Variants in ANKAR observed in about 807,000 individuals in gnomAD.
ANKAR encodes the protein ankyrin and armadillo repeat-containing protein.
A neutral mutation model predicts 146.2 loss-of-function variants in ANKAR; 136 were observed. The observed-to-expected ratio is 0.93, with a 90% CI of 0.81 to 1.07. ANKAR has a LOEUF of 1.07. Among genes scored for constraint, ANKAR ranks in the 50% least tolerant of loss-of-function variants. The pLI is 0.00. For missense variants in ANKAR, 1,567 were observed against 1,679.9 expected (o/e 0.93, Z 1.18); for synonymous variants, 500 against 575.8 (o/e 0.87, Z 1.88).
At chr2:189,710,524 G>T (rs1054383321) in intron 9 of ANKAR, among the ~76,000 whole-genome samples, 4 of 152,334 alleles carry the variant, frequency 2.6e-5, no homozygotes, top group South Asian at 2.1e-4. Context: ...TTTCAGCCAG[G>T]CACAGTGGCT....
Position 189,676,868 on chromosome 2 carries a change from TGATCA to T in ANKAR, c.381_385del (p.Asp127GlufsTer12), listed in dbSNP as rs2033775281. ...CTTCCATCAGTTTAGAAGCTAATTATGATCAGAGTTCTTCTTGTCAATTACCTCCA... is the reference window on the plus strand; with the variant it reads ...CTTCCATCAGTTTAGAAGCTAATTATGAGTTCTTCTTGTCAATTACCTCCA... On this transcript the variant is annotated frameshift_variant, in exon 2 of 23. Transcript: ENST00000684021. LOFTEE classifies it high-confidence loss of function. 1.2e-6 allele frequency: 2 copies of T among 1,614,232 alleles called. No individual in the cohort carries two copies. The highest frequency in any genetic ancestry group is 1.7e-6 in the Non-Finnish European group (2 of 1,180,040).
downstream of ANKAR, among the ~76,000 whole-genome samples, chr2:189,761,885 G>A (rs1036067626): frequency 2.6e-5 from 4 of 152,190 alleles, no homozygotes; most frequent in East Asian, 5.8e-4. Flanking sequence ...ATTATTACTT[G>A]CATGCTGTTC....
rs756481102 is a variant in ANKAR, at chr2:189,694,993, C to T, written c.1320C>T (p.Ile440=). Residue 440 remains isoleucine, a synonymous_variant, in exon 6 of 23, where the codon ATC becomes ATT. Coordinates refer to ENST00000684021, the MANE Select transcript of ANKAR (RefSeq NM_001378068.1). ...MEFHGKSYYV[I]YFELETFYQQ... ...TTATTTTTTATAGCTACTATGTGAT[C>T]TATTTTGAACTAGAAACTTTCTATC... The T allele has an allele frequency of 3.3e-6, 5 of 1,507,416 alleles. No individual in the cohort carries two copies. The highest frequency in any genetic ancestry group is 4.4e-6 in the Non-Finnish European group (5 of 1,125,702). The allele number at this position is 1,507,416 out of a possible 1,614,324, so 93.4% of individuals were successfully genotyped here.
At chr2:189,740,362 G>T in intron 19 of ANKAR, among the ~76,000 whole-genome samples, 1 of 152,016 alleles carries the variant, frequency 6.6e-6, no homozygotes, top group East Asian at 1.9e-4. Context: ...CCATTCGGAG[G>T]CAATAAACAC....
intron 7 of ANKAR, among the ~76,000 whole-genome samples, chr2:189,698,723 A>C (rs1222289043): frequency 6.6e-6 from 1 of 152,152 alleles, no homozygotes; most frequent in African/African-American, 2.4e-5. Flanking sequence ...GACCTCAGAG[A>C]GGGAGCCCGA....
At chr2:189,695,548 G>C (rs1334111710) in intron 6 of ANKAR, among the ~76,000 whole-genome samples, 2 of 152,158 alleles carry the variant, frequency 1.3e-5, no homozygotes, top group Admixed American at 1.3e-4. Flanking sequence ...GCAGAGCCAG[G>C]CTTCAGTCCT....
chr2:189,750,541 T>G, downstream of ANKAR: 1 of 1,118,842 alleles, frequency 8.9e-7, no homozygotes, highest in Non-Finnish European at 1.3e-6. Context: ...ATTTTAACCT[T>G]AATACTACCT....
chr2:189,738,722 T>A, intron 19 of ANKAR, 40 bp downstream of exon 19: 2 of 1,298,992 alleles, frequency 1.5e-6, no homozygotes, highest in Non-Finnish European at 2.2e-6. Context: ...CACATAAAAC[T>A]ATTTTCAAAA....
rs949631002 is a variant in ANKAR, at chr2:189,695,081, A to G, written c.1408A>G (p.Lys470Glu). The change falls in exon 6 of 23, where the codon AAA (lysine) becomes GAA (glutamate). Residue 470 changes from lysine (K) to glutamate (E), a missense_variant. Physicochemically the swap from Lys to Glu is moderately conservative, Grantham distance 56. Transcript: ENST00000684021. ...INEIVNNLRL[K>E]RLPLTDAQLH... Reference sequence around the variant, plus strand: ...TGAAATAGTGAACAATCTGAGACTGAAAAGACTTCCACTGACAGATGCTCA... The same window carrying G: ...TGAAATAGTGAACAATCTGAGACTGGAAAGACTTCCACTGACAGATGCTCA... 1 of 1,612,992 alleles carries G rather than the reference A, an allele frequency of 6.2e-7. No homozygotes were observed. Among genetic ancestry groups the G allele is most frequent in the African/African-American group, 1.3e-5 (1 of 74,914 alleles).
chr2:189,732,424 G>A (rs2042490129), intron 16 of ANKAR, among the ~76,000 whole-genome samples: 1 of 152,078 alleles, frequency 6.6e-6, no homozygotes, highest in South Asian at 2.1e-4. Flanking sequence ...CACTTTAGGA[G>A]GACAAAGCAG....
At chr2:189,711,433 A>C (rs1283219594) in intron 10 of ANKAR, among the ~76,000 whole-genome samples, 1 of 152,230 alleles carries the variant, frequency 6.6e-6, no homozygotes, top group Non-Finnish European at 1.5e-5. Context: ...TTACTTTACC[A>C]CACTACTTTT....
intron 21 of ANKAR, 106 bp downstream of exon 21, chr2:189,743,580 T>C (rs1431220406): frequency 1.0e-6 from 1 of 1,001,222 alleles, no homozygotes; most frequent in African/African-American, 1.6e-5. Context: ...TATGAACATA[T>C]CTCCTGTATA....
rs1247777291 is a variant in ANKAR at position 189,693,080 on chromosome 2, T to C, written c.1210T>C (p.Leu404=). The change falls in exon 5 of 23, where the codon TTA becomes CTA. Residue 404 remains leucine, a synonymous_variant. Transcript: ENST00000684021. ...ENALEDFQKN[L]EKIRDCAANT... ...AACATAACTCATATTTTAGAAAAAT[T>C]TAGAAAAAATACGAGATTGTGCTGC... The C allele has an allele frequency of 6.7e-7, 1 of 1,491,508 alleles. No homozygotes were observed. 92.4% of individuals were successfully genotyped at this position (1,491,508 alleles called of 1,614,324 possible). A position where few individuals can be genotyped will look rare whatever the true frequency, so the allele number is the denominator to read the frequency against.
intron 10 of ANKAR, among the ~76,000 whole-genome samples, chr2:189,719,147 T>C (rs891324478): frequency 2.0e-5 from 3 of 152,246 alleles, no homozygotes; most frequent in Non-Finnish European, 2.9e-5. Flanking sequence ...TTTCACATCC[T>C]TGTATAAAAT....
downstream of ANKAR, among the ~76,000 whole-genome samples, chr2:189,750,865 A>G (rs907618088): frequency 1.3e-5 from 2 of 152,206 alleles, no homozygotes; most frequent in Admixed American, 1.3e-4. Context: ...CTAAATTTTG[A>G]GATATTTTTG....
At chr2:189,702,934 A>C (rs541672193) in intron 7 of ANKAR, among the ~76,000 whole-genome samples, 1 of 152,358 alleles carries the variant, frequency 6.6e-6, no homozygotes, top group East Asian at 1.9e-4. Flanking sequence ...GGGTGGACAG[A>C]TAATTCATCA....
At chr2:189,728,589 C>T in intron 14 of ANKAR, 71 bp from the exon 15 acceptor site, 9 of 1,538,494 alleles carry the variant, frequency 5.8e-6, no homozygotes. Context: ...AAGTGTCAGC[C>T]ACCGTGTCCT....
At chr2:189,737,347 C>T (rs901619703) in intron 17 of ANKAR, among the ~76,000 whole-genome samples, 33 of 152,114 alleles carry the variant, frequency 2.2e-4, no homozygotes, top group African/African-American at 7.9e-4. Flanking sequence ...TGTGATTCTT[C>T]AGAATACATT....
chr2:189,723,650 A>G (rs1393615160), intron 12 of ANKAR, among the ~76,000 whole-genome samples: 3 of 152,178 alleles, frequency 2.0e-5, no homozygotes, highest in Non-Finnish European at 4.4e-5. Flanking sequence ...AAACTTTGGA[A>G]TTATGACCCC....
Sources: allele counts gnomAD v4.1 joint callset (sites outside exome capture counted in the v4.1 genomes callset), GRCh38; gene constraint gnomAD v4.1.1; transcripts MANE v1.5; gene names NCBI Gene and HGNC (gene_info 2026-07-23, HGNC 2026-07-21).